SBF2: variants seen among roughly 807,000 people sequenced by gnomAD.
SBF2 encodes myotubularin-related protein 13.
A neutral mutation model predicts 225.2 loss-of-function variants in SBF2; 112 were observed. The ratio of observed to expected loss-of-function variants is 0.50; its 90% CI spans 0.43 to 0.58. SBF2 has a LOEUF of 0.58. SBF2 is among the 20% of genes least tolerant of loss of function. SBF2 has a pLI of 0.00. For synonymous variants in SBF2, 763 were observed against 773.3 expected (o/e 0.99, Z 0.22); for missense variants, 1,996 against 2,206.2 (o/e 0.90, Z 1.91).
chr11:9,795,109 T>A (rs556855907), intron 33 of SBF2, among the ~76,000 whole-genome samples: 4 of 152,300 alleles, frequency 2.6e-5, no homozygotes, highest in African/African-American at 7.2e-5. Context: ...GTTATAAAAG[T>A]AAGAATGTAA....
chr11:10,174,772 T>A (rs562223654), intron 2 of SBF2, among the ~76,000 whole-genome samples: 1 of 152,122 alleles, frequency 6.6e-6, no homozygotes, highest in East Asian at 1.9e-4. Flanking sequence ...AAAGGTCCGG[T>A]TACCCACAAA....
chr11:9,923,051 A>T (rs1242271918), intron 16 of SBF2, among the ~76,000 whole-genome samples: 1 of 152,148 alleles, frequency 6.6e-6, no homozygotes, highest in Non-Finnish European at 1.5e-5. Context: ...CTGGGCAGAC[A>T]GAGTACTGAA....
chr11:9,843,067 A>G (rs1226058213), intron 24 of SBF2, among the ~76,000 whole-genome samples: 2 of 152,166 alleles, frequency 1.3e-5, no homozygotes, highest in African/African-American at 4.8e-5. Flanking sequence ...GTCGGGGAGG[A>G]CTGCCCTGAA....
chr11:10,280,729 T>C (rs1031497911), intron 1 of SBF2, among the ~76,000 whole-genome samples: 3 of 151,876 alleles, frequency 2.0e-5, no homozygotes, highest in Non-Finnish European at 4.4e-5. Flanking sequence ...GGGCTAAAAC[T>C]ACCCTTGATA....
intron 16 of SBF2, among the ~76,000 whole-genome samples, chr11:9,950,739 C>T (rs1286327491): frequency 6.6e-6 from 1 of 152,102 alleles, no homozygotes; most frequent in African/African-American, 2.4e-5. Flanking sequence ...GAGCTTGGCT[C>T]GGGTTGATGA....
At position 9,915,371 on chromosome 11, in the gene SBF2, C is replaced by A. The variant is rs181617899; in HGVS notation, c.1861-19360G>T. Reference sequence around the variant, plus strand: ...CTGAGGCAGGAGAATTGCTTGAACCCGGGAAGTGGAGACTGCAGTAAGCCG... The same window carrying A: ...CTGAGGCAGGAGAATTGCTTGAACCAGGGAAGTGGAGACTGCAGTAAGCCG... On this transcript the variant is annotated intron_variant, in intron 16 of 39. Coordinates refer to ENST00000256190, the MANE Select transcript of SBF2 (RefSeq NM_030962.4). Among the ~76,000 whole-genome samples the A allele has an allele frequency of 2.6e-3, 393 of 150,578 alleles. 1 individual carries two copies. Among genetic ancestry groups the A allele is most frequent in the African/African-American group, 9.1e-3 (371 of 40,972 alleles).
chr11:10,224,017 C>T (rs918885841), intron 1 of SBF2, among the ~76,000 whole-genome samples: 6 of 152,064 alleles, frequency 3.9e-5, no homozygotes, highest in African/African-American at 1.4e-4. Flanking sequence ...GTATAGTCTA[C>T]AGTGTTTGTG....
At chr11:9,951,863 C>T (rs887716597) in intron 16 of SBF2, among the ~76,000 whole-genome samples, 1 of 152,076 alleles carries the variant, frequency 6.6e-6, no homozygotes, top group African/African-American at 2.4e-5. Flanking sequence ...TTTGATGGTC[C>T]CTTCTGTTTA....
chr11:9,895,562 T>C (rs12365540), intron 17 of SBF2, among the ~76,000 whole-genome samples: 42,200 of 152,062 alleles, frequency 0.28, 6,902 homozygotes, highest in African/African-American at 0.45. Context: ...ATTCATTCAA[T>C]AAATATTTAC....
At chr11:10,239,920 G>A (rs1454629322) in intron 1 of SBF2, among the ~76,000 whole-genome samples, 2 of 152,094 alleles carry the variant, frequency 1.3e-5, no homozygotes, top group Non-Finnish European at 2.9e-5. Flanking sequence ...AGAACAGCAT[G>A]AATAAAATTA....
chr11:9,798,562 A>G (rs1853276954), intron 32 of SBF2, among the ~76,000 whole-genome samples: 1 of 152,240 alleles, frequency 6.6e-6, no homozygotes, highest in Admixed American at 6.5e-5. Flanking sequence ...GTCACAGGCC[A>G]GCCCCTCACT....
intron 2 of SBF2, among the ~76,000 whole-genome samples, chr11:10,150,828 T>C (rs1394193761): frequency 1.3e-5 from 2 of 151,976 alleles, no homozygotes; most frequent in Admixed American, 6.6e-5. Flanking sequence ...CAAGTCTATA[T>C]AAAAAGGTCA....
At chr11:10,236,137 G>C (rs917493415) in intron 1 of SBF2, among the ~76,000 whole-genome samples, 3 of 151,946 alleles carry the variant, frequency 2.0e-5, no homozygotes, top group African/African-American at 7.3e-5. Flanking sequence ...AAATAAAAAC[G>C]AACAAAGAAT....
Position 10,200,599 on chromosome 11 carries a change from T to A in SBF2, c.56-6612A>T, listed in dbSNP as rs540109661. ...AAAGATTTTTCAGACTCAAGTTTTA[T>A]CCCTGTTAAATTTCTTTAGTCAGCT... is the stretch of plus-strand genomic sequence containing the variant. On this transcript the variant is annotated intron_variant, in intron 1 of 39. Transcript: ENST00000256190. 2.6e-5 allele frequency among the ~76,000 whole-genome samples: 4 copies of A among 152,328 alleles called. No homozygotes were observed. In the East Asian group the frequency reaches 5.8e-4, roughly 22 times the overall value.
chr11:9,986,119 C>T (rs555286386), intron 13 of SBF2, among the ~76,000 whole-genome samples: 28 of 152,110 alleles, frequency 1.8e-4, no homozygotes, highest in African/African-American at 6.0e-4. Flanking sequence ...AGGAAATTGA[C>T]GCCAAAAGGA....
intron 2 of SBF2, among the ~76,000 whole-genome samples, chr11:10,048,064 G>A (rs1236114476): frequency 1.3e-5 from 2 of 151,970 alleles, no homozygotes; most frequent in East Asian, 1.9e-4. Flanking sequence ...AAGAAAAGCC[G>A]ACATCATTAT....
chr11:9,868,861 A>T (rs1049144561), intron 17 of SBF2, among the ~76,000 whole-genome samples: 1 of 152,236 alleles, frequency 6.6e-6, no homozygotes, highest in African/African-American at 2.4e-5. Flanking sequence ...AGAGTACTTC[A>T]GACAGTACTA....
chr11:9,988,657 C>T (rs1013352900), intron 13 of SBF2, among the ~76,000 whole-genome samples: 1 of 152,098 alleles, frequency 6.6e-6, no homozygotes, highest in African/African-American at 2.4e-5. Context: ...AAAAAATGCT[C>T]AACATCACTA....
chr11:9,829,301 C>T, intron 28 of SBF2, 55 bp downstream of exon 28: 1 of 1,570,400 alleles, frequency 6.4e-7, no homozygotes, highest in African/African-American at 1.3e-5. Flanking sequence ...ACCCTAGGAA[C>T]AGAACTGACC....
Sources: gnomAD v4.1 joint callset for allele counts (sites outside exome capture counted in the v4.1 genomes callset) on GRCh38, gnomAD v4.1.1 for gene constraint, MANE v1.5 for transcripts, NCBI Gene and HGNC (gene_info 2026-07-23, HGNC 2026-07-21) for gene names.